The following SDK1 variants were observed in gnomAD, a reference collection of about 807,000 sequenced individuals.
The protein encoded by SDK1 is protein sidekick-1.
In SDK1, 157 loss-of-function variants were observed where a neutral mutation model predicts 245.5. The observed-to-expected ratio is 0.64, with a 90% CI of 0.56 to 0.73. The LOEUF is 0.73. Among genes scored for constraint, SDK1 ranks in the 30% least tolerant of loss-of-function variants. The pLI, the probability that SDK1 is intolerant of heterozygous loss-of-function variation, is 0.00. For synonymous variants in SDK1, 1,647 were observed against 1,278.5 expected (o/e 1.29, Z -6.15); for missense variants, 3,583 against 3,002.3 (o/e 1.19, Z -4.52).
chr7:3,599,115 T>TC (rs1562592362), intron 1 of SDK1, among the ~76,000 whole-genome samples: 3 of 96,806 alleles, frequency 3.1e-5, no homozygotes, highest in Admixed American at 1.2e-4. Flanking sequence ...TTTTTTTTTT[T>TC]ACATCCTCAC....
chr7:3,452,422 A>G (rs73036751), intron 1 of SDK1, among the ~76,000 whole-genome samples: 90 of 152,324 alleles, frequency 5.9e-4, no homozygotes, highest in Non-Finnish European at 1.0e-3. Context: ...TTGCTTTTCA[A>G]TTGTAGAGAG....
chr7:3,456,851 C>T (rs748391092), intron 1 of SDK1, among the ~76,000 whole-genome samples: 3 of 152,056 alleles, frequency 2.0e-5, no homozygotes, highest in Non-Finnish European at 4.4e-5. Flanking sequence ...AGCTGACAGC[C>T]CCCTTAGTTA....
chr7:3,924,488 T>C (rs1779701580), intron 5 of SDK1, among the ~76,000 whole-genome samples: 1 of 152,178 alleles, frequency 6.6e-6, no homozygotes, highest in Non-Finnish European at 1.5e-5. Context: ...CACCCAGAGC[T>C]GTCCTGGTCA....
intron 44 of SDK1, among the ~76,000 whole-genome samples, chr7:4,255,144 G>T (rs1787549086): frequency 6.6e-6 from 1 of 152,146 alleles, no homozygotes; most frequent in Non-Finnish European, 1.5e-5. Flanking sequence ...TCTTTTCCTG[G>T]TTCTGTCTTT....
At chr7:3,348,252 C>A (rs1780560826) in intron 1 of SDK1, among the ~76,000 whole-genome samples, 1 of 152,180 alleles carries the variant, frequency 6.6e-6, no homozygotes, top group Admixed American at 6.5e-5. Context: ...AATTTTATTA[C>A]CCTCTCTGAC....
At chr7:3,311,815 A>G (rs114704994) in intron 1 of SDK1, among the ~76,000 whole-genome samples, 2,442 of 152,294 alleles carry the variant, frequency 0.016, 59 homozygotes, top group African/African-American at 0.049. Flanking sequence ...GGGAATCCCT[A>G]GGTGCCAGCT....
At chr7:3,581,827 T>C (rs1780506950) in intron 1 of SDK1, among the ~76,000 whole-genome samples, 1 of 151,866 alleles carries the variant, frequency 6.6e-6, no homozygotes, top group African/African-American at 2.4e-5. Flanking sequence ...TGAAATAGAA[T>C]GAGATTGTGT....
intron 4 of SDK1, among the ~76,000 whole-genome samples, chr7:3,690,512 C>G (rs1050219558): frequency 6.6e-6 from 1 of 151,710 alleles, no homozygotes; most frequent in African/African-American, 2.4e-5. Flanking sequence ...CACTGGATAG[C>G]TTGTACCTTT....
At chr7:4,144,682 C>T (rs1022670584) in intron 28 of SDK1, among the ~76,000 whole-genome samples, 5 of 152,032 alleles carry the variant, frequency 3.3e-5, no homozygotes, top group South Asian at 2.1e-4. Flanking sequence ...GGGGTTCACC[C>T]GGAACAGAGG....
At chr7:3,545,419 C>T (rs760920032) in intron 1 of SDK1, among the ~76,000 whole-genome samples, 11 of 152,180 alleles carry the variant, frequency 7.2e-5, no homozygotes, top group Non-Finnish European at 1.5e-4. Context: ...GCAGTCACTT[C>T]TAGCATGATG....
chr7:4,122,490 C>G, intron 25 of SDK1, among the ~76,000 whole-genome samples: 1 of 152,164 alleles, frequency 6.6e-6, no homozygotes, highest in East Asian at 1.9e-4. Context: ...GCCCAGTGTG[C>G]AGGAGTGCTG....
intron 4 of SDK1, among the ~76,000 whole-genome samples, chr7:3,686,299 C>T (rs1436524454): frequency 1.3e-5 from 2 of 152,190 alleles, no homozygotes; most frequent in South Asian, 4.1e-4. Flanking sequence ...TGGTCTTGAA[C>T]TCCTGACCTC....
At chr7:4,080,359 C>T (rs570100196) in intron 22 of SDK1, among the ~76,000 whole-genome samples, 26 of 152,236 alleles carry the variant, frequency 1.7e-4, no homozygotes, top group Non-Finnish European at 1.5e-4. Flanking sequence ...CTGCCACTTC[C>T]ATGTTCCAAT....
chr7:4,178,018 G>C (rs952192364), intron 34 of SDK1, among the ~76,000 whole-genome samples: 2 of 142,906 alleles, frequency 1.4e-5, no homozygotes, highest in Admixed American at 1.4e-4. Context: ...TCCCAATAGG[G>C]TTTGCACTTC....
At chr7:3,605,121 C>T (rs893812054) in intron 1 of SDK1, among the ~76,000 whole-genome samples, 1 of 125,832 alleles carries the variant, frequency 7.9e-6, no homozygotes, top group Admixed American at 8.3e-5. Flanking sequence ...TGCTCTATAG[C>T]ACTTGAGGAA....
At chr7:4,246,432 T>C (rs1786866084) in intron 44 of SDK1, among the ~76,000 whole-genome samples, 1 of 152,114 alleles carries the variant, frequency 6.6e-6, no homozygotes, top group Non-Finnish European at 1.5e-5. Flanking sequence ...TTCACTTTCA[T>C]AGATAAACAT....
chr7:4,083,654 C>CTTCTT (rs1781219681), intron 22 of SDK1, among the ~76,000 whole-genome samples: 1 of 19,364 alleles, frequency 5.2e-5, no homozygotes. Flanking sequence ...CCTTCCTCCA[C>CTTCTT]CCCTCCCTTC....
chr7:4,240,415 TC>T (rs1786446233), intron 42 of SDK1, among the ~76,000 whole-genome samples: 1 of 152,112 alleles, frequency 6.6e-6, no homozygotes, highest in Admixed American at 6.5e-5. Flanking sequence ...CTCCTTATCC[TC>T]CCATCCTCGT....
chr7:3,639,037 T>C lies in SDK1; in HGVS notation c.492T>C (p.Ala164=). 1 of 1,606,010 alleles carries C rather than the reference T, an allele frequency of 6.2e-7. No individual in the cohort carries two copies. Among genetic ancestry groups the C allele is most frequent in the Non-Finnish European group, 8.5e-7 (1 of 1,173,928 alleles). ...TTCCATCTTTGCAGAAGCTCGATGCTGGGTTTTACCGCTGCGTGGTGCGAA... is the reference window on the plus strand; with the variant it reads ...TTCCATCTTTGCAGAAGCTCGATGCCGGGTTTTACCGCTGCGTGGTGCGAA... The part of the protein sequence containing the change: ...YIIPSLQKLD[A]GFYRCVVRNR... The change falls in exon 3 of 45, where the codon GCT becomes GCC. Residue 164 remains alanine, a synonymous_variant. Coordinates refer to ENST00000404826, the MANE Select transcript of SDK1 (RefSeq NM_152744.4).
Sources: allele counts gnomAD v4.1 joint callset (sites outside exome capture counted in the v4.1 genomes callset), GRCh38; gene constraint gnomAD v4.1.1; transcripts MANE v1.5; gene names NCBI Gene and HGNC (gene_info 2026-07-23, HGNC 2026-07-21).